The following CYP46A1 variants were observed in gnomAD, a reference collection of about 807,000 sequenced individuals.
The protein encoded by CYP46A1 is cytochrome P450 family 46 subfamily A member 1, also known as cholesterol 24-hydroxylase.
In CYP46A1, 20 loss-of-function variants were observed where a neutral mutation model predicts 63.3. The observed-to-expected ratio is 0.32, with a 90% CI of 0.22 to 0.46. CYP46A1 has a LOEUF of 0.46. Among genes scored for constraint, CYP46A1 ranks in the 20% least tolerant of loss-of-function variants. The pLI is 1.00. For missense variants in CYP46A1, 445 were observed against 670.8 expected, an observed-to-expected ratio of 0.66 and a Z score of 3.72; for synonymous variants, 268 against 273.6, an observed-to-expected ratio of 0.98 and a Z score of 0.20.
In CYP46A1 at chr14:99,706,555, G is replaced by T. The variant is rs549345558; in HGVS notation, c.444-92G>T. 13 of 1,542,596 alleles carry T rather than the reference G, an allele frequency of 8.4e-6. No homozygotes were observed. The Admixed American group carries it at 8.8e-5, about 10-fold the overall frequency. On this transcript the variant is annotated intron_variant, in intron 5 of 14. Coordinates refer to ENST00000261835, the MANE Select transcript of CYP46A1 (RefSeq NM_006668.2). Reference sequence around the variant, plus strand: ...GGGAGGGACCACCCACCTTCACTCTGCACAGTATCCTCTCTGTGGAGAGGG... The same window carrying T: ...GGGAGGGACCACCCACCTTCACTCTTCACAGTATCCTCTCTGTGGAGAGGG...
chr14:99,697,669 C>A (rs938922758), intron 3 of CYP46A1, among the ~76,000 whole-genome samples: 2 of 152,198 alleles, frequency 1.3e-5, no homozygotes, highest in African/African-American at 2.4e-5. Flanking sequence ...TTAGCAGTTT[C>A]TCCTTCCCGG....
Position 99,700,075 on chromosome 14 carries a change from A to G in CYP46A1, c.417A>G (p.Arg139=). The G allele has an allele frequency of 6.2e-7, 1 of 1,606,182 alleles. No homozygotes were observed. Among genetic ancestry groups the G allele is most frequent in the Non-Finnish European group, 8.5e-7 (1 of 1,175,602 alleles). ...ATGAGCGCTGGCACAAGCAGCGGAG[A>G]GTCATAGACCTGGCCTTCAGCCGGA... ...CNYERWHKQR[R]VIDLAFSRSS... Residue 139 remains arginine, a synonymous_variant, in exon 5 of 15, where the codon AGA becomes AGG. Transcript: ENST00000261835.
intron 2 of CYP46A1, chr14:99,691,476 G>A (rs943081024): frequency 1.8e-6 from 1 of 570,814 alleles, no homozygotes; most frequent in Non-Finnish European, 3.1e-6. Context: ...ATTTTTCAAA[G>A]TACTTTCAAA....
chr14:99,710,058 G>T (rs2056715649), intron 7 of CYP46A1: 1 of 152,122 alleles, frequency 6.6e-6, no homozygotes, highest in Non-Finnish European at 1.5e-5. Context: ...CTACTAGACT[G>T]GCCCTACAAG....
At chr14:99,684,773 C>G (rs1016011233) in intron 1 of CYP46A1, 1 of 615,982 alleles carries the variant, frequency 1.6e-6, no homozygotes, top group Admixed American at 2.1e-5. Context: ...GCAGCCACAG[C>G]CCTTTCAGGT....
intron 10 of CYP46A1, 23 bp downstream of exon 10, chr14:99,718,149 T>C (rs1158239387): frequency 1.2e-6 from 2 of 1,609,006 alleles, no homozygotes; most frequent in Admixed American, 1.7e-5. Context: ...CTCTTGGGGC[T>C]GGCAAAGAGG....
intron 1 of CYP46A1, among the ~76,000 whole-genome samples, chr14:99,688,410 C>G (rs961956467): frequency 2.6e-5 from 4 of 152,096 alleles, no homozygotes; most frequent in African/African-American, 9.7e-5. Context: ...TTCTTGCCTC[C>G]TACTTCCCTG....
chr14:99,691,716 C>G (rs1452079024), intron 2 of CYP46A1, 64 bp from the exon 3 acceptor site: 1 of 1,459,308 alleles, frequency 6.9e-7, no homozygotes, highest in East Asian at 2.3e-5. Flanking sequence ...CTCAGCTGGG[C>G]GGGGTTGGTG....
At position 99,722,100 on chromosome 14, in the gene CYP46A1, T is replaced by G; in HGVS notation, c.1176+34T>G. The G allele has an allele frequency of 1.3e-6, 2 of 1,522,276 alleles. No individual in the cohort carries two copies. Among genetic ancestry groups the G allele is most frequent in the Non-Finnish European group, 1.8e-6 (2 of 1,104,314 alleles). The allele number at this position is 1,522,276 out of a possible 1,614,324, so 94.3% of individuals were successfully genotyped here. On this transcript the variant is annotated intron_variant, in intron 12 of 14. Transcript: ENST00000261835. The surrounding 1 kb of genome is among the most constrained non-coding windows in gnomAD (Gnocchi z 4.6). ...AGGCCCTGGGGGTCCTGGGGTGGGC[T>G]GGGCTGCTTGCCCCAATGGTGGTGA... is the stretch of plus-strand genomic sequence containing the variant.
chr14:99,688,551 T>C (rs2140111109), intron 1 of CYP46A1, among the ~76,000 whole-genome samples: 1 of 152,112 alleles, frequency 6.6e-6, no homozygotes, highest in South Asian at 2.1e-4. Flanking sequence ...CCCCCTCTGC[T>C]CAGCAACCCT....
At position 99,695,452 on chromosome 14, in the gene CYP46A1, G is replaced by A. The variant is rs1302708614; in HGVS notation, c.282+3591G>A. ...TTCAGTTCCATTAGTTTGGCTTCCT[G>A]CATTTTGAAGTTCTGTTATCAGGTG... is the stretch of plus-strand genomic sequence containing the variant. On this transcript the variant is annotated intron_variant, in intron 3 of 14. Transcript: ENST00000261835. The A allele has an allele frequency of 2.1e-5, 9 of 436,154 alleles. No individual in the cohort carries two copies. In the Admixed American group the frequency reaches 2.3e-4, roughly 11 times the overall value. 27.0% of individuals were successfully genotyped at this position (436,154 alleles called of 1,614,324 possible). A position where few individuals can be genotyped will look rare whatever the true frequency, so the allele number is the denominator to read the frequency against.
Position 99,684,428 on chromosome 14 carries a change from G to C in CYP46A1, c.11G>C (p.Gly4Ala). 1 of 1,464,204 alleles carries C rather than the reference G, an allele frequency of 6.8e-7. No homozygotes were observed. Among genetic ancestry groups the C allele is most frequent in the South Asian group, 1.3e-5 (1 of 77,464 alleles). 90.7% of individuals were successfully genotyped at this position (1,464,204 alleles called of 1,614,324 possible). MSPGLLLLGSAVLL... is the reference protein window; with the variant it reads MSPALLLLGSAVLL... ...CCCTGCCCCGGAGCCATGAGCCCCGGGCTGCTGCTGCTCGGCAGCGCCGTC... is the reference window on the plus strand; with the variant it reads ...CCCTGCCCCGGAGCCATGAGCCCCGCGCTGCTGCTGCTCGGCAGCGCCGTC... The change falls in exon 1 of 15, where the codon GGG becomes GCG. Residue 4 changes from glycine (G) to alanine (A), a missense_variant. Gly to Ala is a moderately conservative substitution (Grantham distance 60). This residue lies in a region of CYP46A1 where 252 missense variants were observed against 383.3 expected (regional missense o/e 0.66). Transcript: ENST00000261835.
chr14:99,716,052 A>G (rs138721615), intron 8 of CYP46A1, 85 bp from the exon 9 acceptor site: 1 of 1,611,090 alleles, frequency 6.2e-7, no homozygotes, highest in East Asian at 2.2e-5. Context: ...TTGGCTTAAG[A>G]GGAGAAACAC....
In CYP46A1 at chr14:99,707,655, G is replaced by A; in HGVS notation, c.670G>A (p.Ala224Thr). The A allele has an allele frequency of 6.2e-7, 1 of 1,614,068 alleles. No homozygotes were observed. The highest frequency in any genetic ancestry group is 8.5e-7 in the Non-Finnish European group (1 of 1,179,972). ...GAAACTTATGTTGGAGGGAATCACT[G>A]CGTCCCGCAACACTCTGGCAAAGGT... ...AVKLMLEGIT[A>T]SRNTLAKFLP... The change falls in exon 7 of 15, where the codon GCG (alanine) becomes ACG (threonine). Residue 224 changes from alanine (A) to threonine (T), a missense_variant. By Grantham distance (58) the Ala-to-Thr change is moderately conservative. Around this residue, in one of 4 missense-constraint regions of CYP46A1, gnomAD observed 252 missense variants for 383.3 expected, o/e 0.66. Coordinates refer to ENST00000261835, the MANE Select transcript of CYP46A1 (RefSeq NM_006668.2).
intron 10 of CYP46A1, among the ~76,000 whole-genome samples, chr14:99,719,621 T>C (rs1294895051): frequency 6.6e-6 from 1 of 152,160 alleles, no homozygotes; most frequent in African/African-American, 2.4e-5. Context: ...TCTGTGTGTT[T>C]GTCTATTCTA....
chr14:99,699,071 C>G (rs2056608763), intron 3 of CYP46A1, among the ~76,000 whole-genome samples: 1 of 152,054 alleles, frequency 6.6e-6, no homozygotes, highest in African/African-American at 2.4e-5. Flanking sequence ...GCCAAGTGCC[C>G]TTCCTGTGAC....
chr14:99,726,371 GGACCCAGCGGAGCCA>G, intron 14 of CYP46A1, 115 bp downstream of exon 14: 4 of 1,003,546 alleles, frequency 4.0e-6, no homozygotes, highest in Non-Finnish European at 4.2e-6. Flanking sequence ...TGTGGGCTCG[GGACCCAGCGGAGCCA>G]GACCCAGAGG....
intron 4 of CYP46A1, 52 bp from the exon 5 acceptor site, chr14:99,699,963 T>A: frequency 1.5e-6 from 1 of 674,992 alleles, no homozygotes; most frequent in African/African-American, 1.8e-5. Context: ...CATCAAGCAG[T>A]CGCTCCCCAC....
intron 7 of CYP46A1, chr14:99,707,915 GC>G: frequency 2.0e-6 from 1 of 501,248 alleles, no homozygotes; most frequent in Non-Finnish European, 3.6e-6. Flanking sequence ...GATCCCCAAA[GC>G]AGGCAATGTA....
Sources: gnomAD v4.1 joint callset for allele counts (sites outside exome capture counted in the v4.1 genomes callset) on GRCh38, gnomAD v4.1.1 for gene constraint, gnomAD v4.1.1 regional missense constraint, Gnocchi (gnomAD v3.1) non-coding constraint, MANE v1.5 for transcripts, NCBI Gene and HGNC (gene_info 2026-07-23, HGNC 2026-07-21) for gene names.